The following FAM227B variants were observed in gnomAD, a reference collection of about 807,000 sequenced individuals.
FAM227B encodes the protein family with sequence similarity 227 member B.
In FAM227B, 88 loss-of-function variants were observed where a neutral mutation model predicts 73.8. The observed-to-expected ratio is 1.19, with a 90% CI of 1.00 to 1.42. The LOEUF is 1.42. Ranked by LOEUF, FAM227B falls within the 40% of genes most tolerant of loss-of-function variation. FAM227B has a pLI of 0.00. For synonymous variants in FAM227B, 210 were observed against 190.5 expected (o/e 1.10, Z -0.84); for missense variants, 632 against 590.9 (o/e 1.07, Z -0.72).
At chr15:49,542,739 T>C (rs1424975129) in intron 9 of FAM227B, among the ~76,000 whole-genome samples, 2 of 149,754 alleles carry the variant, frequency 1.3e-5, no homozygotes, top group Admixed American at 1.3e-4. Flanking sequence ...TAAAACTAGT[T>C]ATACATTTAT....
At chr15:49,573,729 T>C (rs906817700) in intron 8 of FAM227B, among the ~76,000 whole-genome samples, 1 of 152,180 alleles carries the variant, frequency 6.6e-6, no homozygotes, top group East Asian at 1.9e-4. Context: ...CATTCTGTTA[T>C]TGTAGCACAA....
intron 13 of FAM227B, among the ~76,000 whole-genome samples, chr15:49,338,015 T>C (rs1337523487): frequency 1.3e-5 from 2 of 152,242 alleles, no homozygotes; most frequent in African/African-American, 4.8e-5. Context: ...TTTGTGTATA[T>C]ACCCAGTAAT....
chr15:49,538,283 A>T (rs1453207661), intron 10 of FAM227B, among the ~76,000 whole-genome samples: 2 of 152,114 alleles, frequency 1.3e-5, no homozygotes, highest in Non-Finnish European at 2.9e-5. Flanking sequence ...CCTTTTCCTC[A>T]GCCTACTCAA....
At chr15:49,496,066 A>C (rs2057577020) in intron 11 of FAM227B, among the ~76,000 whole-genome samples, 1 of 152,034 alleles carries the variant, frequency 6.6e-6, no homozygotes, top group African/African-American at 2.4e-5. Context: ...AATAAAATCC[A>C]AGTAGCTCTT....
chr15:49,601,943 G>C (rs1401330354), intron 3 of FAM227B, among the ~76,000 whole-genome samples: 7 of 152,134 alleles, frequency 4.6e-5, no homozygotes, highest in Admixed American at 3.9e-4. Context: ...AAAATTTTCA[G>C]TTCCATCTAT....
chr15:49,397,009 C>A (rs902763032), intron 11 of FAM227B, among the ~76,000 whole-genome samples: 31 of 152,190 alleles, frequency 2.0e-4, no homozygotes, highest in African/African-American at 5.6e-4. Flanking sequence ...ATGATTTTGA[C>A]GAGCTGAGAG....
intron 9 of FAM227B, among the ~76,000 whole-genome samples, chr15:49,560,734 A>T (rs1366779502): frequency 6.6e-6 from 1 of 152,216 alleles, no homozygotes; most frequent in Non-Finnish European, 1.5e-5. Flanking sequence ...CAGCACTGTC[A>T]AAGAAAATAA....
chr15:49,367,866 G>GAAAAAAAAA (rs34096112), intron 12 of FAM227B: 10 of 116,800 alleles, frequency 8.6e-5, no homozygotes, highest in East Asian at 5.0e-4. Flanking sequence ...CTTAAGAACA[G>GAAAAAAAAA]AAAAAAAAAA....
Position 49,508,222 on chromosome 15 carries a change from T to C in FAM227B, c.1001A>G (p.His334Arg). The C allele has an allele frequency of 2.5e-6, 4 of 1,606,698 alleles. No individual in the cohort carries two copies. The South Asian group carries it at 3.4e-5, about 13-fold the overall frequency. ...VKERIADSQE[H>R]ISTSIDFNII... ...GAAACTTTACTTACTAGTTGATATA[T>C]GTTCTTGACTGTCTGCAATTCTTTC... The change falls in exon 11 of 16, where the codon CAT becomes CGT. Residue 334 changes from histidine (H) to arginine (R), a missense_variant. His to Arg is a conservative substitution (Grantham distance 29). Coordinates refer to ENST00000299338, the MANE Select transcript of FAM227B (RefSeq NM_152647.3).
intron 5 of FAM227B, among the ~76,000 whole-genome samples, chr15:49,578,556 CACACA>C (rs746687069): frequency 4.5e-4 from 69 of 152,196 alleles, no homozygotes; most frequent in Non-Finnish European, 7.6e-4. Context: ...AAGTTTTACA[CACACA>C]ATACCACACA....
intron 12 of FAM227B, among the ~76,000 whole-genome samples, chr15:49,370,696 C>G (rs527273393): frequency 3.4e-4 from 52 of 152,266 alleles, no homozygotes; most frequent in Non-Finnish European, 2.9e-5. Context: ...ACAATAAAGA[C>G]TGTAACCAAC....
intron 11 of FAM227B, among the ~76,000 whole-genome samples, chr15:49,462,613 T>C (rs527686682): frequency 3.9e-4 from 59 of 152,324 alleles, no homozygotes; most frequent in African/African-American, 1.4e-3. Flanking sequence ...GAGGTAAGGG[T>C]AGGCTACAGT....
intron 11 of FAM227B, among the ~76,000 whole-genome samples, chr15:49,471,143 G>C (rs1053225457): frequency 6.6e-6 from 1 of 152,124 alleles, no homozygotes; most frequent in Non-Finnish European, 1.5e-5. Flanking sequence ...AGGAAGCCAA[G>C]AAGAAAAATT....
chr15:49,444,984 T>A (rs1318894891), intron 11 of FAM227B, among the ~76,000 whole-genome samples: 1 of 151,588 alleles, frequency 6.6e-6, no homozygotes, highest in African/African-American at 2.4e-5. Flanking sequence ...ATATTCATTC[T>A]GATTCATATT....
At chr15:49,339,550 G>A (rs1052357934) in intron 13 of FAM227B, among the ~76,000 whole-genome samples, 1 of 152,188 alleles carries the variant, frequency 6.6e-6, no homozygotes, top group Non-Finnish European at 1.5e-5. Context: ...CCTGTAGGAG[G>A]TGTCTGTTGG....
rs56097665 is a variant in FAM227B, at chr15:49,479,599, G to GTTTTTT, written c.1012+28606_1012+28611dup. Among the ~76,000 whole-genome samples, 23 of 63,324 alleles carry GTTTTTT rather than the reference G, an allele frequency of 3.6e-4. 5 individuals carry two copies. Among genetic ancestry groups the GTTTTTT allele is most frequent in the African/African-American group, 1.2e-3 (19 of 15,942 alleles). The allele number at this position is 63,324 out of a possible 152,430, so 41.5% of individuals were successfully genotyped here. A position where few individuals can be genotyped will look rare whatever the true frequency, so the allele number is the denominator to read the frequency against. On this transcript the variant is annotated intron_variant, in intron 11 of 15. Transcript: ENST00000299338. Reference sequence around the variant, plus strand: ...GTAGGATTTCATAGTTAATACCTCTGTTTTTTTTTTTTTTTTTTTTTTTTT... The same window carrying GTTTTTT: ...GTAGGATTTCATAGTTAATACCTCTGTTTTTTTTTTTTTTTTTTTTTTTTTTTTTTT...
chr15:49,341,806 G>T (rs1307250696), intron 13 of FAM227B, among the ~76,000 whole-genome samples: 3 of 152,094 alleles, frequency 2.0e-5, no homozygotes, highest in Non-Finnish European at 4.4e-5. Flanking sequence ...ATTGTTTACA[G>T]TCAGGCAGGG....
chr15:49,468,824 G>A (rs1567336156), intron 11 of FAM227B, among the ~76,000 whole-genome samples: 1 of 152,112 alleles, frequency 6.6e-6, no homozygotes, highest in African/African-American at 2.4e-5. Context: ...TGACAAAAGA[G>A]GTTTGTCTTC....
intron 11 of FAM227B, among the ~76,000 whole-genome samples, chr15:49,377,753 T>C (rs992235244): frequency 2.0e-5 from 3 of 152,110 alleles, no homozygotes; most frequent in Non-Finnish European, 4.4e-5. Flanking sequence ...TATACCCTGG[T>C]TATTAATCCC....
Sources: allele counts gnomAD v4.1 joint callset (sites outside exome capture counted in the v4.1 genomes callset), GRCh38; gene constraint gnomAD v4.1.1; transcripts MANE v1.5; gene names NCBI Gene and HGNC (gene_info 2026-07-23, HGNC 2026-07-21).